NUDT6: variants seen among roughly 807,000 people sequenced by gnomAD.
NUDT6 encodes the protein nudix hydrolase 6.
In NUDT6, 24 loss-of-function variants were observed where a neutral mutation model predicts 36.8. The ratio of observed to expected loss-of-function variants is 0.65; its 90% CI spans 0.47 to 0.92. The LOEUF is 0.92. Ranked by LOEUF, NUDT6 falls within the 40% of genes least tolerant of loss-of-function variation. The probability of loss-of-function intolerance (pLI) is 0.00; values close to 1 mark genes in which losing one functional copy is unlikely to be tolerated. For synonymous variants in NUDT6, 163 were observed against 157.0 expected (o/e 1.04, Z -0.29); for missense variants, 388 against 392.8 (o/e 0.99, Z 0.10).
chr4:122,920,375 G>A (rs1162181650), intron 1 of NUDT6: 1 of 152,148 alleles, frequency 6.6e-6, no homozygotes, highest in African/African-American at 2.4e-5. Context: ...GGGTTGTTAG[G>A]AGGATTAATT....
chr4:122,914,464 CAG>C (rs2150808404), intron 2 of NUDT6, among the ~76,000 whole-genome samples: 1 of 152,272 alleles, frequency 6.6e-6, no homozygotes, highest in East Asian at 1.9e-4. Flanking sequence ...AGCACAGTAT[CAG>C]AGACAAAACC....
chr4:122,904,558 G>A (rs927001418), intron 3 of NUDT6, among the ~76,000 whole-genome samples: 2 of 152,034 alleles, frequency 1.3e-5, no homozygotes, highest in Non-Finnish European at 2.9e-5. Flanking sequence ...CCAGGTTCAA[G>A]CGATTCTCCT....
intron 3 of NUDT6, among the ~76,000 whole-genome samples, chr4:122,906,180 G>C (rs879215871): frequency 1.3e-5 from 2 of 152,148 alleles, no homozygotes; most frequent in Admixed American, 1.3e-4. Flanking sequence ...ATCTAGGCCT[G>C]ATTTTCAATA....
chr4:122,893,243 T>C lies in NUDT6; in HGVS notation c.554-18A>G. On this transcript the variant is annotated intron_variant, in intron 4 of 4. Coordinates refer to ENST00000304430, the MANE Select transcript of NUDT6 (RefSeq NM_007083.5). ...TGTGTCTCCTACGTAAAAAAAGAGA[T>C]GTACAAATCAATAATAATTACACTT... 6.4e-7 allele frequency: 1 copy of C among 1,562,788 alleles called. No homozygotes were observed. The highest frequency in any genetic ancestry group is 1.2e-5 in the South Asian group (1 of 82,754).
chr4:122,915,184 AAT>A (rs1727803956), intron 2 of NUDT6, among the ~76,000 whole-genome samples: 1 of 152,220 alleles, frequency 6.6e-6, no homozygotes, highest in Non-Finnish European at 1.5e-5. Context: ...AAAAGAAAGC[AAT>A]GGCTCCAGCT....
At chr4:122,910,188 C>A (rs2150806409) in intron 3 of NUDT6, among the ~76,000 whole-genome samples, 1 of 152,284 alleles carries the variant, frequency 6.6e-6, no homozygotes, top group Non-Finnish European at 1.5e-5. Flanking sequence ...TCAATTCTTT[C>A]CTTTTCAATT....
At chr4:122,902,263 T>TATTG (rs34400387) in intron 3 of NUDT6, among the ~76,000 whole-genome samples, 24,040 of 152,098 alleles carry the variant, frequency 0.16, 2,404 homozygotes, top group East Asian at 0.45. Context: ...AGTTAATGTA[T>TATTG]ATTGGGCATA....
In NUDT6 at chr4:122,892,810, A is replaced by G; in HGVS notation, c.*18T>C. On this transcript the variant is annotated 3_prime_UTR_variant, in exon 5 of 5. Coordinates refer to ENST00000304430, the MANE Select transcript of NUDT6 (RefSeq NM_007083.5). ...GTCATTCGTTAGTCTACATGTTTCTAAACATATAAATGTGAATTTAATCAA... is the reference window on the plus strand; with the variant it reads ...GTCATTCGTTAGTCTACATGTTTCTGAACATATAAATGTGAATTTAATCAA... 1 of 1,561,652 alleles carries G rather than the reference A, an allele frequency of 6.4e-7. No homozygotes were observed. Among genetic ancestry groups the G allele is most frequent in the Middle Eastern group, 1.8e-4 (1 of 5,686 alleles).
chr4:122,915,483 A>ACAAACAAAC (rs1553952474), intron 2 of NUDT6, among the ~76,000 whole-genome samples: 815 of 42,960 alleles, frequency 0.019, 19 homozygotes, highest in East Asian at 0.13. Flanking sequence ...AAAAAAAAAA[A>ACAAACAAAC]AAAAAAAAAA....
At chr4:122,897,465 T>TAGAATAATTA in intron 4 of NUDT6, 159 bp downstream of exon 4, 1 of 648,816 alleles carries the variant, frequency 1.5e-6, no homozygotes, top group South Asian at 1.8e-5. Context: ...GAAATTATGC[T>TAGAATAATTA]GCTAATTATA....
chr4:122,922,266 T>A, intron 1 of NUDT6, 69 bp downstream of exon 1: 1 of 1,366,886 alleles, frequency 7.3e-7, no homozygotes, highest in African/African-American at 1.4e-5. Context: ...GACTAGGGAG[T>A]GGGGGCCGCG....
In NUDT6 at chr4:122,897,616, A is replaced by T. The variant is rs1727402789; in HGVS notation, c.553+8T>A. The T allele has an allele frequency of 6.3e-7, 1 of 1,585,702 alleles. No homozygotes were observed. The highest frequency in any genetic ancestry group is 8.7e-7 in the Non-Finnish European group (1 of 1,154,310). On this transcript the variant is annotated splice_region_variant and intron_variant, in intron 4 of 4. Transcript: ENST00000304430. ...TTTAAGCCAATTAAAAATATAAAAG[A>T]TACACACCAATATCTTCTTCAGGCT...
chr4:122,917,480 C>T, intron 2 of NUDT6, 21 bp downstream of exon 2: 1 of 1,602,682 alleles, frequency 6.2e-7, no homozygotes, highest in Non-Finnish European at 8.5e-7. Flanking sequence ...TAATTCTGCT[C>T]ATCATGAGTT....
chr4:122,922,842 G>C, upstream of NUDT6: 5 of 566,404 alleles, frequency 8.8e-6, no homozygotes, highest in Non-Finnish European at 1.5e-5. Flanking sequence ...GTTGGTTTAG[G>C]GATGGGGAAG....
intron 3 of NUDT6, among the ~76,000 whole-genome samples, chr4:122,910,081 C>G (rs1578496408): frequency 6.6e-6 from 1 of 152,120 alleles, no homozygotes; most frequent in South Asian, 2.1e-4. Flanking sequence ...CATGATTTAA[C>G]AGAGAACCAT....
At position 122,897,406 on chromosome 4, in the gene NUDT6, T is replaced by C. The variant is rs548083088; in HGVS notation, c.553+218A>G. ...CAGTCATAAACAGAAGAATAGGTGG[T>C]ATGTTCCTAATGATATTATTTCTAC... is the stretch of plus-strand genomic sequence containing the variant. On this transcript the variant is annotated intron_variant, in intron 4 of 4. Coordinates refer to ENST00000304430, the MANE Select transcript of NUDT6 (RefSeq NM_007083.5). 1.1e-5 allele frequency: 6 copies of C among 550,652 alleles called. No homozygotes were observed. In the South Asian group the frequency reaches 1.4e-4, roughly 12 times the overall value. 34.1% of individuals were successfully genotyped at this position (550,652 alleles called of 1,614,324 possible). A position where few individuals can be genotyped will look rare whatever the true frequency, so the allele number is the denominator to read the frequency against.
chr4:122,899,019 C>T (rs34399691), intron 3 of NUDT6, among the ~76,000 whole-genome samples: 61,666 of 144,280 alleles, frequency 0.43, 15,767 homozygotes, highest in Non-Finnish European at 0.57. Flanking sequence ...ATAGTTGGGA[C>T]TACAGGTGTG....
At chr4:122,915,484 A>ACAAC (rs67674710) in intron 2 of NUDT6, among the ~76,000 whole-genome samples, 3 of 125,322 alleles carry the variant, frequency 2.4e-5, no homozygotes, top group East Asian at 5.4e-4. Context: ...AAAAAAAAAA[A>ACAAC]AAAAAAAAAA....
Position 122,922,461 on chromosome 4 carries a change from TC to T in NUDT6, c.111del (p.Asn38IlefsTer88). The T allele has an allele frequency of 6.2e-7, 1 of 1,611,766 alleles. No individual in the cohort carries two copies. Among genetic ancestry groups the T allele is most frequent in the Non-Finnish European group, 8.5e-7 (1 of 1,179,826 alleles). On this transcript the variant is annotated frameshift_variant, in exon 1 of 5. Transcript: ENST00000304430. LOFTEE classifies it high-confidence loss of function. ...AGATCGCACGCTCCAACTGGCGGAT[TC>T]CGCACGTAACCCTGTGCGCCCGAGG... Reference protein sequence around the residue: ...RWASGAQGYVRNPPVGACDLQ... With the variant: ...RWASGAQGYVXNPPVGACDLQ...
Sources: gnomAD v4.1 joint callset for allele counts (sites outside exome capture counted in the v4.1 genomes callset) on GRCh38, gnomAD v4.1.1 for gene constraint, MANE v1.5 for transcripts, NCBI Gene and HGNC (gene_info 2026-07-23, HGNC 2026-07-21) for gene names.